The following TRPM3 variants were observed in gnomAD, a reference collection of about 807,000 sequenced individuals.
The protein encoded by TRPM3 is long transient receptor potential channel 3.
Under a neutral mutation model 181.2 loss-of-function variants are expected in TRPM3, and 77 were observed. The observed-to-expected ratio is 0.42, with a 90% CI of 0.35 to 0.51. TRPM3 has a LOEUF of 0.51. Among genes scored for constraint, TRPM3 ranks in the 20% least tolerant of loss-of-function variants. The probability of loss-of-function intolerance (pLI) is 0.01; values close to 1 mark genes in which losing one functional copy is unlikely to be tolerated. For synonymous variants in TRPM3, 745 were observed against 796.4 expected (o/e 0.94, Z 1.09); for missense variants, 1,759 against 2,196.7 (o/e 0.80, Z 3.98).
At position 71,105,735 on chromosome 9, in the gene TRPM3, T is replaced by C. The variant is rs185005619; in HGVS notation, c.177+15443A>G. ...AACTGGCTAGCCCTAGGAGAGGCGTTCTCTTCTCAGCCAGAAAAGTCTTTT... is the reference window on the plus strand; with the variant it reads ...AACTGGCTAGCCCTAGGAGAGGCGTCCTCTTCTCAGCCAGAAAAGTCTTTT... On this transcript the variant is annotated intron_variant, in intron 1 of 25. Coordinates refer to ENST00000677713, the MANE Select transcript of TRPM3 (RefSeq NM_001366145.2). Among the ~76,000 whole-genome samples the C allele has an allele frequency of 9.9e-5, 15 of 152,240 alleles. No individual in the cohort carries two copies. In the East Asian group the frequency reaches 1.7e-3, roughly 18 times the overall value.
At chr9:71,333,331 A>G (rs781327916) in intron 1 of TRPM3, among the ~76,000 whole-genome samples, 1 of 152,110 alleles carries the variant, frequency 6.6e-6, no homozygotes, top group Non-Finnish European at 1.5e-5. Context: ...TCCCAATAGC[A>G]TTCATGCCCT....
intron 1 of TRPM3, among the ~76,000 whole-genome samples, chr9:71,415,839 A>G (rs1219834578): frequency 6.6e-6 from 1 of 151,934 alleles, no homozygotes; most frequent in Non-Finnish European, 1.5e-5. Context: ...ATAAAATATA[A>G]AACACTAAGA....
At chr9:71,293,366 A>G (rs1302088321) in intron 1 of TRPM3, among the ~76,000 whole-genome samples, 1 of 151,918 alleles carries the variant, frequency 6.6e-6, no homozygotes, top group Non-Finnish European at 1.5e-5. Flanking sequence ...ATTCACGGAC[A>G]TTTTATGCAT....
At chr9:71,128,980 TG>T (rs1209920425) in intron 1 of TRPM3, among the ~76,000 whole-genome samples, 1 of 152,230 alleles carries the variant, frequency 6.6e-6, no homozygotes, top group Non-Finnish European at 1.5e-5. Flanking sequence ...TGGCCAGCCC[TG>T]GGTTGGACCA....
rs77363927 is a variant in TRPM3, at chr9:71,090,709, C to T, written c.177+30469G>A. Among the ~76,000 whole-genome samples the T allele has an allele frequency of 5.0e-3, 754 of 152,252 alleles. 20 individuals are homozygous for T. The East Asian group carries it at 0.078, about 16-fold the overall frequency. On this transcript the variant is annotated intron_variant, in intron 1 of 25. Coordinates refer to ENST00000677713, the MANE Select transcript of TRPM3 (RefSeq NM_001366145.2). ...CACTTAAGTTCAAAGCTGGCTCTAG[C>T]AGTCATCCATTCTATCATCTTAGAC...
At chr9:71,243,608 G>A (rs548316808) in intron 1 of TRPM3, among the ~76,000 whole-genome samples, 1 of 152,254 alleles carries the variant, frequency 6.6e-6, no homozygotes, top group South Asian at 2.1e-4. Flanking sequence ...TGCATTGTAA[G>A]TACTCAATAA....
At chr9:70,995,248 C>A (rs1027570065) in intron 1 of TRPM3, among the ~76,000 whole-genome samples, 6 of 152,176 alleles carry the variant, frequency 3.9e-5, no homozygotes, top group African/African-American at 1.2e-4. Flanking sequence ...ACCTAATTAA[C>A]TCTCTTTGAA....
At chr9:70,630,763 A>G (rs961391762) in intron 12 of TRPM3, among the ~76,000 whole-genome samples, 3 of 152,216 alleles carry the variant, frequency 2.0e-5, no homozygotes, top group African/African-American at 7.2e-5. Flanking sequence ...TTTGCTAGAC[A>G]GGCTTGGGTT....
intron 1 of TRPM3, among the ~76,000 whole-genome samples, chr9:70,899,557 C>A (rs902001506): frequency 6.6e-6 from 1 of 152,062 alleles, no homozygotes; most frequent in African/African-American, 2.4e-5. Context: ...GCCTAAATTG[C>A]TCTTTTTGTT....
rs1046763186 is a variant in TRPM3 at position 70,625,127 on chromosome 9, A to G, written c.1809+64T>C. ...AATTCCCCTTGGAGACAAAGAAGCC[A>G]CAACCCAAATCCCATACACCCTAGT... On this transcript the variant is annotated intron_variant, in intron 14 of 25. Coordinates refer to ENST00000677713, the MANE Select transcript of TRPM3 (RefSeq NM_001366145.2). This position sits in a 1 kb window ranked among gnomAD's most constrained non-coding sequence, Gnocchi z 4.8. 26 of 1,565,004 alleles carry G rather than the reference A, an allele frequency of 1.7e-5. No homozygotes were observed. The highest frequency in any genetic ancestry group is 2.2e-5 in the Non-Finnish European group (25 of 1,150,706).
chr9:71,206,744 TC>T lies in TRPM3; in HGVS notation c.183+239908del, dbSNP rs377657896. 4.7e-4 allele frequency among the ~76,000 whole-genome samples: 71 copies of T among 152,288 alleles called. 2 individuals are homozygous for T. The East Asian group carries it at 0.012, about 25-fold the overall frequency. The stretch of plus-strand genomic sequence containing the variant: ...GTCTTACATTGAAGCCTTTAATCCA[TC>T]CTGAGTTAATTTTTGCATAAGGAGT... On this transcript the variant is annotated intron_variant, in intron 1 of 24. Transcript: ENST00000357533.
In TRPM3 at chr9:71,260,771, C is replaced by T. The variant is rs186761714; in HGVS notation, c.183+185882G>A. On this transcript the variant is annotated intron_variant, in intron 1 of 24. Transcript: ENST00000357533. ...GCTGAAGTTGCTTATCAACTTAAGG[C>T]GTTTTGGGGCTAAGATGATCAGGTT... is the stretch of plus-strand genomic sequence containing the variant. Among the ~76,000 whole-genome samples the T allele has an allele frequency of 8.5e-5, 13 of 152,236 alleles. No individual in the cohort carries two copies. The East Asian group carries it at 2.5e-3, about 29-fold the overall frequency.
chr9:71,340,595 C>G (rs541200082), intron 1 of TRPM3, among the ~76,000 whole-genome samples: 1 of 152,148 alleles, frequency 6.6e-6, no homozygotes, highest in East Asian at 1.9e-4. Flanking sequence ...ATTGTGAGGA[C>G]TCCCCAGCCA....
At chr9:70,662,919 A>G (rs2061329542) in intron 9 of TRPM3, among the ~76,000 whole-genome samples, 1 of 152,194 alleles carries the variant, frequency 6.6e-6, no homozygotes, top group Non-Finnish European at 1.5e-5. Flanking sequence ...AAGTCATTAC[A>G]TAAAAAAGAC....
intron 8 of TRPM3, among the ~76,000 whole-genome samples, chr9:70,746,323 G>C (rs1264834038): frequency 2.0e-5 from 3 of 151,980 alleles, no homozygotes; most frequent in Non-Finnish European, 4.4e-5. Context: ...TGCTTGCTTG[G>C]TTTTTATGAG....
At chr9:70,873,468 T>C (rs1034930335) in intron 1 of TRPM3, among the ~76,000 whole-genome samples, 1 of 152,034 alleles carries the variant, frequency 6.6e-6, no homozygotes, top group Admixed American at 6.6e-5. Flanking sequence ...TCTTCATTTC[T>C]GTACAAATCT....
intron 1 of TRPM3, among the ~76,000 whole-genome samples, chr9:71,396,583 G>A (rs540706425): frequency 6.6e-6 from 1 of 151,976 alleles, no homozygotes; most frequent in East Asian, 1.9e-4. Flanking sequence ...CCAGCCACAG[G>A]AGTTTCCTCA....
At chr9:71,173,677 C>T (rs532225818) in intron 1 of TRPM3, among the ~76,000 whole-genome samples, 2 of 152,208 alleles carry the variant, frequency 1.3e-5, no homozygotes, top group South Asian at 4.1e-4. Context: ...GCCAGAAAAG[C>T]AGCTTTGGAG....
intron 1 of TRPM3, among the ~76,000 whole-genome samples, chr9:71,383,398 C>T (rs2092849445): frequency 1.3e-5 from 2 of 152,040 alleles, no homozygotes; most frequent in Non-Finnish European, 1.5e-5. Flanking sequence ...CATCTTTGAC[C>T]TCTGGCTTTT....
Sources: gnomAD v4.1 joint callset for allele counts (sites outside exome capture counted in the v4.1 genomes callset) on GRCh38, gnomAD v4.1.1 for gene constraint, Gnocchi (gnomAD v3.1) non-coding constraint, MANE v1.5 for transcripts, NCBI Gene and HGNC (gene_info 2026-07-23, HGNC 2026-07-21) for gene names.